Variants in TBC1D5 observed in about 807,000 individuals in gnomAD.
The protein encoded by TBC1D5 is TBC1 domain family, member 5.
In TBC1D5, 75 loss-of-function variants were observed where a neutral mutation model predicts 100.3. The observed-to-expected ratio is 0.75, with a 90% confidence interval of 0.62 to 0.91. TBC1D5 has a LOEUF of 0.91. TBC1D5 is among the 40% of genes least tolerant of loss of function. TBC1D5 has a pLI of 0.00. For synonymous variants in TBC1D5, 323 were observed against 325.6 expected (o/e 0.99, Z 0.09); for missense variants, 910 against 942.4 (o/e 0.97, Z 0.45).
At chr3:17,583,670 T>A (rs2096714509) in intron 2 of TBC1D5, among the ~76,000 whole-genome samples, 1 of 152,214 alleles carries the variant, frequency 6.6e-6, no homozygotes, top group Non-Finnish European at 1.5e-5. Flanking sequence ...GAGGCTGCAG[T>A]GAGCCAAGAT....
intron 17 of TBC1D5, among the ~76,000 whole-genome samples, chr3:17,229,130 G>C (rs761236630): frequency 6.6e-6 from 1 of 152,062 alleles, no homozygotes; most frequent in Non-Finnish European, 1.5e-5. Context: ...GGAGGTCTAC[G>C]GGGGGACTTG....
chr3:17,717,115 T>A (rs1041181791), intron 1 of TBC1D5, among the ~76,000 whole-genome samples: 1 of 152,138 alleles, frequency 6.6e-6, no homozygotes, highest in Admixed American at 6.5e-5. Context: ...CCAAGCCACC[T>A]AGCCAGTAAA....
At chr3:17,736,980 T>C (rs1474742495) in intron 1 of TBC1D5, among the ~76,000 whole-genome samples, 1 of 151,888 alleles carries the variant, frequency 6.6e-6, no homozygotes, top group Non-Finnish European at 1.5e-5. Context: ...GCCACTGCAC[T>C]CCAGCCTGGG....
chr3:17,633,442 A>G (rs1176432264), intron 1 of TBC1D5, among the ~76,000 whole-genome samples: 1 of 152,204 alleles, frequency 6.6e-6, no homozygotes. Flanking sequence ...CATCTCAAAA[A>G]AAGAAAAAAT....
chr3:17,454,333 C>T (rs1035013712), intron 3 of TBC1D5, among the ~76,000 whole-genome samples: 1 of 152,072 alleles, frequency 6.6e-6, no homozygotes, highest in African/African-American at 2.4e-5. Context: ...AGCAAATTAT[C>T]CTTGTTTGCA....
At chr3:17,357,576 G>C (rs866169573) in intron 13 of TBC1D5, among the ~76,000 whole-genome samples, 1 of 152,042 alleles carries the variant, frequency 6.6e-6, no homozygotes. Context: ...TTGTTATATG[G>C]GGACTGACAT....
intron 19 of TBC1D5, 124 bp from the exon 21 acceptor site, chr3:17,167,952 A>G: frequency 1.5e-6 from 1 of 681,650 alleles, no homozygotes; most frequent in Non-Finnish European, 2.5e-6. Context: ...ACTCCCACAA[A>G]AGATGCTCTG....
chr3:17,435,399 G>C (rs1293833638), intron 3 of TBC1D5, among the ~76,000 whole-genome samples: 1 of 152,164 alleles, frequency 6.6e-6, no homozygotes, highest in East Asian at 1.9e-4. Flanking sequence ...TCAACTCACA[G>C]TTTCGCATGG....
At chr3:17,421,039 T>C (rs1203804666) in intron 4 of TBC1D5, among the ~76,000 whole-genome samples, 1 of 152,172 alleles carries the variant, frequency 6.6e-6, no homozygotes, top group Non-Finnish European at 1.5e-5. Context: ...TGTGGGTTGA[T>C]AATTAGGGCT....
At chr3:17,479,394 A>G (rs1166163945) in intron 3 of TBC1D5, among the ~76,000 whole-genome samples, 6 of 152,236 alleles carry the variant, frequency 3.9e-5, no homozygotes, top group Non-Finnish European at 4.4e-5. Context: ...GAGACACCCC[A>G]TCTCAGAAAA....
At chr3:17,679,854 T>C (rs2069198635) in intron 1 of TBC1D5, among the ~76,000 whole-genome samples, 1 of 151,494 alleles carries the variant, frequency 6.6e-6, no homozygotes, top group Non-Finnish European at 1.5e-5. Flanking sequence ...CTTGGGACAA[T>C]CTGTAGTCTG....
chr3:17,546,015 G>T lies in TBC1D5; in HGVS notation c.-35-37410C>A, dbSNP rs542324471. Among the ~76,000 whole-genome samples the T allele has an allele frequency of 7.0e-4, 106 of 152,176 alleles. 3 individuals carry two copies. The South Asian group carries it at 0.021, about 31-fold the overall frequency. On this transcript the variant is annotated intron_variant, in intron 2 of 21. Coordinates refer to ENST00000253692, the Ensembl canonical transcript of TBC1D5. Reference sequence around the variant, plus strand: ...TGATGCAGTTTGTACATAGCAAACTGAAATGTCTTTAAAAAAATTAGCAAT... The same window carrying T: ...TGATGCAGTTTGTACATAGCAAACTTAAATGTCTTTAAAAAAATTAGCAAT...
In TBC1D5 at chr3:17,601,827, TTTTTTTA is replaced by T. The variant is rs1300408522; in HGVS notation, c.-36+22015_-36+22021del. On this transcript the variant is annotated intron_variant, in intron 2 of 21. Transcript: ENST00000253692. ...AATATCACACAGTTAATAAGTGGGT[TTTTTTTA>T]TTTTTTATTTTTTGAGACCGAGTCT... Among the ~76,000 whole-genome samples, 8 of 152,096 alleles carry T rather than the reference TTTTTTTA, an allele frequency of 5.3e-5. No individual in the cohort carries two copies. In the South Asian group the frequency reaches 1.0e-3, roughly 20 times the overall value.
chr3:17,622,467 A>C (rs1026693635), intron 2 of TBC1D5, among the ~76,000 whole-genome samples: 3 of 152,196 alleles, frequency 2.0e-5, no homozygotes, highest in Non-Finnish European at 4.4e-5. Flanking sequence ...TATGTGGTAT[A>C]ACATCACAAT....
At chr3:17,487,435 C>T (rs2095583925) in intron 3 of TBC1D5, among the ~76,000 whole-genome samples, 1 of 152,102 alleles carries the variant, frequency 6.6e-6, no homozygotes, top group South Asian at 2.1e-4. Flanking sequence ...GCACTTTGCT[C>T]ACTAATTAAC....
At chr3:17,697,139 G>A in intron 1 of TBC1D5, among the ~76,000 whole-genome samples, 1 of 152,160 alleles carries the variant, frequency 6.6e-6, no homozygotes, top group Non-Finnish European at 1.5e-5. Context: ...CAAACCCACA[G>A]CCAATATCAT....
At chr3:17,601,775 G>A (rs1452415549) in intron 2 of TBC1D5, among the ~76,000 whole-genome samples, 1 of 152,142 alleles carries the variant, frequency 6.6e-6, no homozygotes, top group African/African-American at 2.4e-5. Context: ...AAGAAATGTA[G>A]GCATTGTTAA....
intron 13 of TBC1D5, among the ~76,000 whole-genome samples, chr3:17,342,409 A>G (rs1480685947): frequency 6.6e-6 from 1 of 152,208 alleles, no homozygotes; most frequent in Non-Finnish European, 1.5e-5. Flanking sequence ...CTCTTATTTC[A>G]GAATCACATG....
intron 13 of TBC1D5, among the ~76,000 whole-genome samples, chr3:17,311,422 C>T (rs1482964078): frequency 6.6e-6 from 1 of 151,848 alleles, no homozygotes; most frequent in African/African-American, 2.4e-5. Context: ...AATAAACACC[C>T]AAAGACAGGA....
Sources: gnomAD v4.1 joint callset for allele counts (sites outside exome capture counted in the v4.1 genomes callset) on GRCh38, gnomAD v4.1.1 for gene constraint, MANE v1.5 for transcripts, NCBI Gene and HGNC (gene_info 2026-07-23, HGNC 2026-07-21) for gene names.